Variants in ZNF503 observed in about 807,000 individuals in gnomAD.
The protein encoded by ZNF503 is NocA-like zinc finger 2.
A neutral mutation model predicts 34.4 loss-of-function variants in ZNF503; 15 were observed. The ratio of observed to expected loss-of-function variants is 0.44; its 90% CI spans 0.29 to 0.67. The LOEUF is 0.67. Ranked by LOEUF, ZNF503 falls within the 30% of genes least tolerant of loss-of-function variation. The pLI, the probability that ZNF503 is intolerant of heterozygous loss-of-function variation, is 0.13. For missense variants in ZNF503, 1,007 were observed against 926.8 expected (o/e 1.09, Z -1.12); for synonymous variants, 580 against 456.8 (o/e 1.27, Z -3.44).
the ZNF503 span, among the ~76,000 whole-genome samples, chr10:75,312,350 A>C: frequency 6.6e-6 from 1 of 152,216 alleles, no homozygotes; most frequent in Non-Finnish European, 1.5e-5. Flanking sequence ...GATGGGATTG[A>C]AGGAAAGTGG....
rs1411249869 is a variant in ZNF503 at position 75,399,106 on chromosome 10, G to T, written c.1584C>A (p.Arg528=). 6.2e-7 allele frequency: 1 copy of T among 1,613,634 alleles called. No homozygotes were observed. Among genetic ancestry groups the T allele is most frequent in the Non-Finnish European group, 8.5e-7 (1 of 1,179,840 alleles). The change falls in exon 2 of 2, where the codon CGC becomes CGA. Residue 528 remains arginine, a synonymous_variant. Transcript: ENST00000372524. ...WVSANGPCDK[R]FATSEELLSH... ...TCAGCAGCTCTTCGGACGTGGCGAAGCGCTTGTCGCACGGCCCGTTGGCCG... is the reference window on the plus strand; with the variant it reads ...TCAGCAGCTCTTCGGACGTGGCGAATCGCTTGTCGCACGGCCCGTTGGCCG...
the ZNF503 span, among the ~76,000 whole-genome samples, chr10:75,324,926 A>C: frequency 6.6e-6 from 1 of 152,184 alleles, no homozygotes; most frequent in East Asian, 1.9e-4. Flanking sequence ...AGCATGTATC[A>C]GTACTTCATG....
chr10:75,366,421 G>A, the ZNF503 span, among the ~76,000 whole-genome samples: 14 of 152,344 alleles, frequency 9.2e-5, no homozygotes, highest in Admixed American at 2.0e-4. Flanking sequence ...CCCACGTCCC[G>A]AGCAATGGTG....
rs1843803501 is a variant in ZNF503 at position 75,401,177 on chromosome 10, C to T, written c.243G>A (p.Thr81=). 1.2e-6 allele frequency: 2 copies of T among 1,610,926 alleles called. No homozygotes were observed. Among genetic ancestry groups the T allele is most frequent in the East Asian group, 2.2e-5 (1 of 44,832 alleles). The part of the protein sequence containing the change: ...RLPIKVLKML[T]ARTGHILHPE... ...GGTGCAAAATGTGGCCAGTTCGTGCCGTCAGCATCTTCAGCACCTTGATTG... is the reference window on the plus strand; with the variant it reads ...GGTGCAAAATGTGGCCAGTTCGTGCTGTCAGCATCTTCAGCACCTTGATTG... The change falls in exon 1 of 2, where the codon ACG becomes ACA. Residue 81 remains threonine, a synonymous_variant. Transcript: ENST00000372524.
the ZNF503 span, among the ~76,000 whole-genome samples, chr10:75,390,144 G>C: frequency 6.6e-6 from 1 of 150,836 alleles, no homozygotes; most frequent in Non-Finnish European, 1.5e-5. Context: ...TGATCCGCCT[G>C]CCTCAGCCTC....
At chr10:75,323,987 G>A in the ZNF503 span, among the ~76,000 whole-genome samples, 3 of 89,066 alleles carry the variant, frequency 3.4e-5, no homozygotes, top group South Asian at 3.5e-4. Flanking sequence ...GCAAAACTCC[G>A]TCTCAAAAAA....
At chr10:75,337,178 G>C in the ZNF503 span, among the ~76,000 whole-genome samples, 1 of 151,920 alleles carries the variant, frequency 6.6e-6, no homozygotes, top group Non-Finnish European at 1.5e-5. Context: ...ACAACAATTA[G>C]TCGGGCGTGG....
chr10:75,326,247 T>C, the ZNF503 span, among the ~76,000 whole-genome samples: 1 of 152,220 alleles, frequency 6.6e-6, no homozygotes, highest in Non-Finnish European at 1.5e-5. Flanking sequence ...GGGTAGATTC[T>C]TTGGAATTTT....
chr10:75,335,556 T>C, the ZNF503 span, among the ~76,000 whole-genome samples: 2 of 152,216 alleles, frequency 1.3e-5, no homozygotes, highest in Non-Finnish European at 2.9e-5. Context: ...TCAGCCAAGA[T>C]TGAAAACCTC....
At position 75,401,517 on chromosome 10, in the gene ZNF503, G is replaced by A; in HGVS notation, c.-98C>T. The A allele has an allele frequency of 1.4e-6, 2 of 1,401,156 alleles. No homozygotes were observed. Among genetic ancestry groups the A allele is most frequent in the Middle Eastern group, 2.5e-4 (1 of 4,058 alleles). The allele number at this position is 1,401,156 out of a possible 1,614,324, so 86.8% of individuals were successfully genotyped here. On this transcript the variant is annotated 5_prime_UTR_variant, in exon 1 of 2. Coordinates refer to ENST00000372524, the MANE Select transcript of ZNF503 (RefSeq NM_032772.6). ...CTCGCCCCGGGAGCAGGAGCAGCGG[G>A]AGGAGGAGGAGCTGGCGCGGCGGCC...
the ZNF503 span, among the ~76,000 whole-genome samples, chr10:75,385,942 T>A: frequency 2.0e-5 from 3 of 152,146 alleles, no homozygotes; most frequent in Non-Finnish European, 4.4e-5. Flanking sequence ...TTCAAAAATT[T>A]ACAGCTCCAG....
the ZNF503 span, among the ~76,000 whole-genome samples, chr10:75,386,623 G>A: frequency 6.6e-6 from 1 of 152,006 alleles, no homozygotes; most frequent in African/African-American, 2.4e-5. Context: ...CCTCCACATT[G>A]GTTTCTTTAT....
At chr10:75,316,465 C>G in the ZNF503 span, among the ~76,000 whole-genome samples, 3 of 151,876 alleles carry the variant, frequency 2.0e-5, no homozygotes, top group Non-Finnish European at 4.4e-5. Context: ...CAAGTAATCT[C>G]CCCACCTCAG....
chr10:75,399,873 C>G lies in ZNF503; in HGVS notation c.817G>C (p.Glu273Gln). 1.3e-6 allele frequency: 2 copies of G among 1,599,864 alleles called. No individual in the cohort carries two copies. The highest frequency in any genetic ancestry group is 2.3e-5 in the East Asian group (1 of 44,296). ...GGKGTGGASAEGGPTGLAHGR... is the reference protein window; with the variant it reads ...GGKGTGGASAQGGPTGLAHGR... ...TGTGCCAGCCCCGTGGGTCCCCCTT[C>G]GGCCGAGGCGCCCCCGGTGCCCTTG... The change falls in exon 2 of 2, where the codon GAA becomes CAA. Residue 273 changes from glutamate (E) to glutamine (Q), a missense_variant. Coordinates refer to ENST00000372524, the MANE Select transcript of ZNF503 (RefSeq NM_032772.6).
chr10:75,376,088 T>C, the ZNF503 span, among the ~76,000 whole-genome samples: 1 of 152,190 alleles, frequency 6.6e-6, no homozygotes, highest in African/African-American at 2.4e-5. Context: ...ACTCTGGGGT[T>C]CTGGACCTTG....
Position 75,398,779 on chromosome 10 carries a change from C to A in ZNF503, c.1911G>T (p.Leu637=). 1 of 1,435,946 alleles carries A rather than the reference C, an allele frequency of 7.0e-7. No homozygotes were observed. Among genetic ancestry groups the A allele is most frequent in the Non-Finnish European group, 9.1e-7 (1 of 1,099,368 alleles). 89.0% of individuals were successfully genotyped at this position (1,435,946 alleles called of 1,614,324 possible). ...GATACCCCAGCGCCGAGGCGGTGGTCAGTCTCTGTCCGTAGAGGGCGTAGG... is the reference window on the plus strand; with the variant it reads ...GATACCCCAGCGCCGAGGCGGTGGTAAGTCTCTGTCCGTAGAGGGCGTAGG... ...YSPYALYGQR[L]TTASALGYQ Residue 637 remains leucine, a synonymous_variant, in exon 2 of 2, where the codon CTG becomes CTT. Coordinates refer to ENST00000372524, the MANE Select transcript of ZNF503 (RefSeq NM_032772.6).
chr10:75,371,436 C>T, the ZNF503 span, among the ~76,000 whole-genome samples: 1 of 152,070 alleles, frequency 6.6e-6, no homozygotes, highest in East Asian at 1.9e-4. Context: ...CCCTCTCTAC[C>T]TCTTCTCTCT....
the ZNF503 span, among the ~76,000 whole-genome samples, chr10:75,315,135 G>A: frequency 6.6e-6 from 1 of 152,174 alleles, no homozygotes; most frequent in Non-Finnish European, 1.5e-5. Flanking sequence ...CAAGGCAGGA[G>A]GATTGCTTGA....
the ZNF503 span, among the ~76,000 whole-genome samples, chr10:75,344,259 G>T: frequency 6.6e-6 from 1 of 152,218 alleles, no homozygotes; most frequent in Admixed American, 6.5e-5. Context: ...GCCGTGTGGC[G>T]TGGCAGTTGA....
Sources: gnomAD v4.1 joint callset for allele counts (sites outside exome capture counted in the v4.1 genomes callset) on GRCh38, gnomAD v4.1.1 for gene constraint, MANE v1.5 for transcripts, NCBI Gene and HGNC (gene_info 2026-07-23, HGNC 2026-07-21) for gene names.